The following STK3 variants were observed in gnomAD, a reference collection of about 807,000 sequenced individuals.
The protein encoded by STK3 is serine/threonine-protein kinase 3.
Under a neutral mutation model 58.0 loss-of-function variants are expected in STK3, and 41 were observed. The observed-to-expected ratio is 0.71, with a 90% CI of 0.55 to 0.92. The LOEUF (loss-of-function observed/expected upper bound fraction) is 0.92. Among genes scored for constraint, STK3 ranks in the 40% least tolerant of loss-of-function variants. STK3 has a pLI of 0.00. For synonymous variants in STK3, 170 were observed against 191.0 expected, an observed-to-expected ratio of 0.89 and a Z score of 0.91; for missense variants, 479 against 602.7, an observed-to-expected ratio of 0.79 and a Z score of 2.15.
intron 10 of STK3, among the ~76,000 whole-genome samples, chr8:98,510,750 C>T (rs899963650): frequency 6.6e-6 from 1 of 152,020 alleles, no homozygotes; most frequent in African/African-American, 2.4e-5. Flanking sequence ...ATTTTGCAAG[C>T]ATTTGATTTG....
At chr8:98,413,491 G>A (rs777825530) in intron 3 of STK3, 31 of 616,898 alleles carry the variant, frequency 5.0e-5, no homozygotes, top group Non-Finnish European at 8.9e-5. Flanking sequence ...AGAATGTGCC[G>A]AAGTCCATTT....
chr8:98,513,683 G>A (rs1824703231), intron 10 of STK3, among the ~76,000 whole-genome samples: 1 of 152,110 alleles, frequency 6.6e-6, no homozygotes. Flanking sequence ...ACCTGGGTGG[G>A]GCGGGGGAGA....
At chr8:98,846,083 C>T (rs753151986) in intron 3 of STK3, among the ~76,000 whole-genome samples, 3 of 152,228 alleles carry the variant, frequency 2.0e-5, no homozygotes, top group Non-Finnish European at 2.9e-5. Context: ...GGAATAGCCA[C>T]CTCATAGGAC....
intron 4 of STK3, among the ~76,000 whole-genome samples, chr8:98,743,139 A>T (rs1161224054): frequency 6.6e-6 from 1 of 152,132 alleles, no homozygotes; most frequent in African/African-American, 2.4e-5. Context: ...CAATATCGTG[A>T]AAATGGCCAT....
chr8:98,592,908 C>T (rs757223486), intron 7 of STK3, among the ~76,000 whole-genome samples: 2 of 152,080 alleles, frequency 1.3e-5, no homozygotes, highest in East Asian at 1.9e-4. Flanking sequence ...GGACTACAGA[C>T]GTGCACCACC....
intron 6 of STK3, among the ~76,000 whole-genome samples, chr8:98,685,482 T>A (rs1823919093): frequency 6.6e-6 from 1 of 152,122 alleles, no homozygotes; most frequent in Non-Finnish European, 1.5e-5. Flanking sequence ...TAAAGAATAA[T>A]AACTCTGACA....
At chr8:98,849,466 G>T (rs1836352062) in intron 3 of STK3, among the ~76,000 whole-genome samples, 1 of 152,068 alleles carries the variant, frequency 6.6e-6, no homozygotes, top group Admixed American at 6.6e-5. Flanking sequence ...TAGGGCCTAA[G>T]ACTTGCTGCA....
At chr8:98,687,088 C>T (rs1376309764) in intron 6 of STK3, among the ~76,000 whole-genome samples, 1 of 152,110 alleles carries the variant, frequency 6.6e-6, no homozygotes, top group South Asian at 2.1e-4. Context: ...ATAACTCCTA[C>T]AAGATACTAC....
chr8:98,851,352 T>C (rs1367806738), intron 3 of STK3, among the ~76,000 whole-genome samples: 1 of 152,154 alleles, frequency 6.6e-6, no homozygotes, highest in Non-Finnish European at 1.5e-5. Context: ...CCCACGCTAG[T>C]ATAGAGAAAG....
At chr8:98,499,234 G>C (rs2131353729) in intron 10 of STK3, among the ~76,000 whole-genome samples, 1 of 152,274 alleles carries the variant, frequency 6.6e-6, no homozygotes, top group African/African-American at 2.4e-5. Flanking sequence ...AGTCTCCAGA[G>C]CAAGTGTGGC....
intron 3 of STK3, among the ~76,000 whole-genome samples, chr8:98,857,228 T>A (rs987143337): frequency 1.3e-5 from 2 of 152,342 alleles, no homozygotes; most frequent in South Asian, 4.1e-4. Flanking sequence ...TATATCTCAA[T>A]AAAGCTGTTA....
intron 3 of STK3, among the ~76,000 whole-genome samples, chr8:98,871,391 T>C (rs1360949552): frequency 1.3e-5 from 2 of 152,224 alleles, no homozygotes; most frequent in Non-Finnish European, 2.9e-5. Flanking sequence ...AAGTCATTGG[T>C]AGCTTGATGG....
At position 98,742,593 on chromosome 8, in the gene STK3, G is replaced by A. The variant is rs999994924; in HGVS notation, c.351+6683C>T. 3.1e-5 allele frequency among the ~76,000 whole-genome samples: 4 copies of A among 129,162 alleles called. 1 individual carries two copies. The highest frequency in any genetic ancestry group is 2.4e-4 in the East Asian group (1 of 4,084). The allele number at this position is 129,162 out of a possible 152,430, so 84.7% of individuals were successfully genotyped here. On this transcript the variant is annotated intron_variant, in intron 4 of 10. Transcript: ENST00000419617. ...GATGGGACATATCTCAAAATAATAA[G>A]AGCTATCTATGACAAACCCACAGCC...
chr8:98,930,724 T>C (rs140205745), intron 1 of STK3, among the ~76,000 whole-genome samples: 8 of 152,350 alleles, frequency 5.3e-5, no homozygotes, highest in South Asian at 2.1e-4. Flanking sequence ...CGGTTCACTG[T>C]TGTCTTCTAG....
Position 98,409,584 on chromosome 8 carries a change from T to A in STK3, n.484-8071A>T, listed in dbSNP as rs564577455. ...TTCAACCAAAAGCAAACCTCTCATCTCTCTGAATCCCACTTTGGACCCAGC... is the reference window on the plus strand; with the variant it reads ...TTCAACCAAAAGCAAACCTCTCATCACTCTGAATCCCACTTTGGACCCAGC... On this transcript the variant is annotated intron_variant and non_coding_transcript_variant, in intron 3 of 3. Transcript: ENST00000517832. Among the ~76,000 whole-genome samples, 59 of 152,360 alleles carry A rather than the reference T, an allele frequency of 3.9e-4. 1 individual carries two copies. Among genetic ancestry groups the A allele is most frequent in the African/African-American group, 1.4e-3 (57 of 41,590 alleles).
intron 1 of STK3, among the ~76,000 whole-genome samples, chr8:98,812,994 C>T (rs1186652242): frequency 1.3e-5 from 2 of 151,156 alleles, no homozygotes; most frequent in South Asian, 4.2e-4. Context: ...ATGTAACAAA[C>T]CTGCACGTTG....
chr8:98,620,753 T>A (rs1221056594), intron 6 of STK3, among the ~76,000 whole-genome samples: 2 of 151,908 alleles, frequency 1.3e-5, no homozygotes, highest in Admixed American at 6.6e-5. Flanking sequence ...ACAGCTATTT[T>A]AAAAAACACA....
At chr8:98,755,350 A>G (rs1480569107) in intron 3 of STK3, among the ~76,000 whole-genome samples, 2 of 152,244 alleles carry the variant, frequency 1.3e-5, no homozygotes, top group African/African-American at 4.8e-5. Flanking sequence ...AAACTCACAA[A>G]TAAATATGAT....
At chr8:98,688,850 C>T (rs1824196909) in intron 6 of STK3, among the ~76,000 whole-genome samples, 1 of 151,552 alleles carries the variant, frequency 6.6e-6, no homozygotes, top group African/African-American at 2.4e-5. Flanking sequence ...TAACCTCACA[C>T]CTAAAGGAAC....
Sources: gnomAD v4.1 joint callset for allele counts (sites outside exome capture counted in the v4.1 genomes callset) on GRCh38, gnomAD v4.1.1 for gene constraint, MANE v1.5 for transcripts, NCBI Gene and HGNC (gene_info 2026-07-23, HGNC 2026-07-21) for gene names.